KYNU: variants seen among roughly 807,000 people sequenced by gnomAD.
KYNU encodes the protein L-kynurenine hydrolase.
Under a neutral mutation model 59.2 loss-of-function variants are expected in KYNU, and 54 were observed. The observed-to-expected ratio is 0.91, with a 90% CI of 0.73 to 1.14. The LOEUF is 1.14. KYNU is among the 50% of genes most tolerant of loss of function. The pLI is 0.00. For synonymous variants in KYNU, 177 were observed against 192.0 expected, an observed-to-expected ratio of 0.92 and a Z score of 0.65; for missense variants, 567 against 554.4, an observed-to-expected ratio of 1.02 and a Z score of -0.23.
chr2:143,023,073 CT>C (rs568338169), intron 10 of KYNU, among the ~76,000 whole-genome samples: 180 of 151,744 alleles, frequency 1.2e-3, no homozygotes, highest in Non-Finnish European at 2.1e-3. Context: ...TATTTGTTTT[CT>C]TTCTAATTTT....
intron 8 of KYNU, among the ~76,000 whole-genome samples, chr2:142,982,367 T>C (rs1427572539): frequency 1.3e-5 from 2 of 152,130 alleles, no homozygotes; most frequent in African/African-American, 4.8e-5. Context: ...TCAGTAAACA[T>C]TGCAACATTT....
intron 10 of KYNU, among the ~76,000 whole-genome samples, chr2:142,991,707 C>A (rs1685403231): frequency 6.6e-6 from 1 of 151,786 alleles, no homozygotes; most frequent in Non-Finnish European, 1.5e-5. Context: ...ACTTTTTCAC[C>A]TTTTCATTGA....
Position 143,048,704 on chromosome 2 carries a change from G to A in KYNU, c.*6532G>A, listed in dbSNP as rs1221123367. ...TATGTCGACAGTAATTTTCTTTCAGGAAGTAGAAAATATTAAGTTACAGTA... is the reference window on the plus strand; with the variant it reads ...TATGTCGACAGTAATTTTCTTTCAGAAAGTAGAAAATATTAAGTTACAGTA... On this transcript the variant is annotated 3_prime_UTR_variant, in exon 14 of 14. Transcript: ENST00000264170. The A allele has an allele frequency of 1.3e-5, 2 of 152,066 alleles. No homozygotes were observed. The highest frequency in any genetic ancestry group is 4.8e-5 in the African/African-American group (2 of 41,402). 9.4% of individuals were successfully genotyped at this position (152,066 alleles called of 1,614,324 possible).
At chr2:143,017,434 C>CTTTTTTCTTTTTTT (rs1558977527) in intron 10 of KYNU, among the ~76,000 whole-genome samples, 1 of 68,450 alleles carries the variant, frequency 1.5e-5, no homozygotes, top group Non-Finnish European at 2.6e-5. Flanking sequence ...TCTCTTTTTT[C>CTTTTTTCTTTTTTT]TTTTTTTTTT....
At chr2:142,960,493 A>T in intron 7 of KYNU, 131 bp from the exon 8 acceptor site, 1 of 669,512 alleles carries the variant, frequency 1.5e-6, no homozygotes, top group East Asian at 2.8e-5. Flanking sequence ...CCAGATTTTT[A>T]AAGAACCTTA....
chr2:143,035,246 A>T (rs1409693004), intron 12 of KYNU, among the ~76,000 whole-genome samples: 1 of 152,168 alleles, frequency 6.6e-6, no homozygotes, highest in Admixed American at 6.5e-5. Flanking sequence ...CCCAGTCAAT[A>T]TCTAAACTTA....
intron 1 of KYNU, among the ~76,000 whole-genome samples, chr2:142,884,033 T>A (rs1681403317): frequency 6.6e-6 from 1 of 152,252 alleles, no homozygotes; most frequent in South Asian, 2.1e-4. Context: ...AAAACCAAAC[T>A]TAGGAGAGGA....
intron 4 of KYNU, among the ~76,000 whole-genome samples, chr2:142,929,559 G>C (rs1573802309): frequency 6.6e-6 from 1 of 152,214 alleles, no homozygotes; most frequent in East Asian, 1.9e-4. Context: ...AGTCTCAAGA[G>C]GTCCTAAGAA....
intron 10 of KYNU, among the ~76,000 whole-genome samples, chr2:143,000,887 A>G (rs1460536757): frequency 6.6e-6 from 1 of 152,154 alleles, no homozygotes; most frequent in Non-Finnish European, 1.5e-5. Context: ...TTGTATAATC[A>G]GCATTCACCC....
intron 2 of KYNU, among the ~76,000 whole-genome samples, chr2:142,894,012 GC>G (rs1260099029): frequency 6.6e-6 from 1 of 152,142 alleles, no homozygotes; most frequent in African/African-American, 2.4e-5. Flanking sequence ...TTTCACCTTT[GC>G]CTGGGACAAT....
At position 143,042,583 on chromosome 2, in the gene KYNU, GATATATATATATATATATAT is replaced by G. The variant is rs10528472; in HGVS notation, c.*440_*459del. ...GAGTTTCTTTGAAGCATTGTAGTCT[GATATATATATATATATATAT>G]ATATATATATATATATATATATATA... On this transcript the variant is annotated 3_prime_UTR_variant, in exon 14 of 14. Coordinates refer to ENST00000264170, the MANE Select transcript of KYNU (RefSeq NM_003937.3). 5.0e-4 allele frequency: 68 copies of G among 136,472 alleles called. 2 individuals carry two copies. Among genetic ancestry groups the G allele is most frequent in the African/African-American group, 1.3e-3 (43 of 32,940 alleles). The allele number at this position is 136,472 out of a possible 1,614,324, so 8.5% of individuals were successfully genotyped here.
chr2:142,936,264 T>G (rs1182732605), intron 4 of KYNU, among the ~76,000 whole-genome samples: 2 of 152,178 alleles, frequency 1.3e-5, no homozygotes, highest in Admixed American at 1.3e-4. Context: ...AATAATTGCT[T>G]AAGTTCGTTA....
chr2:142,888,934 A>G lies in KYNU; in HGVS notation c.169+3398A>G, dbSNP rs1334499721. On this transcript the variant is annotated intron_variant, in intron 2 of 13. Transcript: ENST00000264170. ...CTACCATCATGTAGCACTCTAAATG[A>G]TAATGAGGGCTGTGAAGATAAGGGT... Among the ~76,000 whole-genome samples the G allele has an allele frequency of 2.0e-5, 3 of 150,750 alleles. No individual in the cohort carries two copies. In the East Asian group the frequency reaches 5.8e-4, roughly 29 times the overall value.
intron 2 of KYNU, among the ~76,000 whole-genome samples, chr2:142,895,839 C>A (rs1161029373): frequency 6.6e-6 from 1 of 152,128 alleles, no homozygotes; most frequent in Non-Finnish European, 1.5e-5. Context: ...CGTGCACCAC[C>A]ACACCAGTCT....
At chr2:142,919,891 G>A (rs1368817556) in intron 3 of KYNU, among the ~76,000 whole-genome samples, 2 of 152,158 alleles carry the variant, frequency 1.3e-5, no homozygotes, top group East Asian at 1.9e-4. Context: ...GACCAACATG[G>A]TGAAACCTCG....
intron 8 of KYNU, among the ~76,000 whole-genome samples, chr2:142,974,408 T>G (rs1430848575): frequency 1.3e-5 from 2 of 152,220 alleles, no homozygotes; most frequent in African/African-American, 2.4e-5. Flanking sequence ...TATCTGTAGC[T>G]ATCTGCTTAA....
At chr2:142,946,677 A>G (rs377674902) in intron 4 of KYNU, among the ~76,000 whole-genome samples, 85 of 152,322 alleles carry the variant, frequency 5.6e-4, no homozygotes, top group African/African-American at 2.0e-3. Flanking sequence ...ATTAAGCATA[A>G]TTCTTAAGAG....
At chr2:142,927,453 GAAAAT>G (rs1032364664) in intron 3 of KYNU, among the ~76,000 whole-genome samples, 2 of 109,626 alleles carry the variant, frequency 1.8e-5, no homozygotes, top group Non-Finnish European at 3.7e-5. Flanking sequence ...CTCACAAAAA[GAAAAT>G]AAAAGAAATT....
chr2:143,017,159 C>G (rs1686274099), intron 10 of KYNU, among the ~76,000 whole-genome samples: 1 of 88,268 alleles, frequency 1.1e-5, no homozygotes, highest in Non-Finnish European at 2.4e-5. Flanking sequence ...CATTAATGGG[C>G]ACCTCGGCTG....
Sources: gnomAD v4.1 joint callset for allele counts (sites outside exome capture counted in the v4.1 genomes callset) on GRCh38, gnomAD v4.1.1 for gene constraint, MANE v1.5 for transcripts, NCBI Gene and HGNC (gene_info 2026-07-23, HGNC 2026-07-21) for gene names.